Variants in APEX1 observed in about 807,000 individuals in gnomAD.
APEX1 encodes the protein apurinic/apyrimidinic endodeoxyribonuclease 1.
Under a neutral mutation model 33.2 loss-of-function variants are expected in APEX1, and 32 were observed. The ratio of observed to expected loss-of-function variants is 0.96; its 90% confidence interval spans 0.73 to 1.29. The LOEUF (loss-of-function observed/expected upper bound fraction) is 1.29, where lower values mean the gene tolerates loss of function less well. APEX1 is among the 50% of genes most tolerant of loss of function. APEX1 has a pLI of 0.00. For missense variants in APEX1, 442 were observed against 395.6 expected (o/e 1.12, Z -0.99); for synonymous variants, 175 against 156.6 (o/e 1.12, Z -0.88).
intron 1 of APEX1, 52 bp downstream of exon 1, chr14:20,455,446 C>G: frequency 1.2e-6 from 1 of 807,586 alleles, no homozygotes; most frequent in Non-Finnish European, 2.0e-6. Context: ...GCTGAAGGGC[C>G]TATGATGCAC....
In APEX1 at chr14:20,457,186, A is replaced by T; in HGVS notation, c.635A>T (p.Asn212Ile). ...RKPLVLCGDL[N>I]VAHEEIDLRN... Reference sequence around the variant, plus strand: ...CCCCTTGTGCTGTGTGGAGACCTCAATGTGGCACATGAAGAAATTGACCTT... The same window carrying T: ...CCCCTTGTGCTGTGTGGAGACCTCATTGTGGCACATGAAGAAATTGACCTT... The change falls in exon 5 of 5, where the codon AAT (asparagine) becomes ATT (isoleucine). Residue 212 changes from asparagine (N) to isoleucine (I), a missense_variant. Coordinates refer to ENST00000216714, the MANE Select transcript of APEX1 (RefSeq NM_001641.4). 6.2e-7 allele frequency: 1 copy of T among 1,614,210 alleles called. No homozygotes were observed. The highest frequency in any genetic ancestry group is 8.5e-7 in the Non-Finnish European group (1 of 1,180,036).
At position 20,455,227 on chromosome 14, in the gene APEX1, T is replaced by A. The variant is rs953705141; in HGVS notation, c.-236T>A. 2.8e-6 allele frequency: 1 copy of A among 357,038 alleles called. No homozygotes were observed. Among genetic ancestry groups the A allele is most frequent in the Non-Finnish European group, 5.3e-6 (1 of 190,236 alleles). The allele number at this position is 357,038 out of a possible 1,614,324, so 22.1% of individuals were successfully genotyped here. A position where few individuals can be genotyped will look rare whatever the true frequency, so the allele number is the denominator to read the frequency against. On this transcript the variant is annotated 5_prime_UTR_variant, in exon 1 of 5. Coordinates refer to ENST00000216714, the MANE Select transcript of APEX1 (RefSeq NM_001641.4). ...CCACGTGGGGGCTCAGCGTGCACCC[T>A]TCTTTGTGCTCGGGTTAGGAGGAGC...
intron 3 of APEX1, 107 bp downstream of exon 3, chr14:20,456,208 C>T (rs1314543470): frequency 3.8e-6 from 5 of 1,321,696 alleles, no homozygotes; most frequent in African/African-American, 2.9e-5. Flanking sequence ...TTTTCTCCTG[C>T]CCGTAGTTTT....
rs1881475937 is a variant in APEX1 at position 20,457,663 on chromosome 14, A to G, written c.*155A>G. The G allele has an allele frequency of 2.8e-6, 3 of 1,075,430 alleles. No individual in the cohort carries two copies. Among genetic ancestry groups the G allele is most frequent in the South Asian group, 1.4e-5 (1 of 71,194 alleles). The allele number at this position is 1,075,430 out of a possible 1,614,324, so 66.6% of individuals were successfully genotyped here. A position where few individuals can be genotyped will look rare whatever the true frequency, so the allele number is the denominator to read the frequency against. On this transcript the variant is annotated 3_prime_UTR_variant, in exon 5 of 5. Transcript: ENST00000216714. ...CTGTGATAGAGTTCTTTTAAGCCCA[A>G]GATTTTTTATTTGAGGGTTTTTTGT...
chr14:20,456,823 T>C lies in APEX1; in HGVS notation c.402T>C (p.Leu134=), dbSNP rs917196169. Residue 134 remains leucine, a synonymous_variant, in exon 4 of 5, where the codon CTT becomes CTC. Coordinates refer to ENST00000216714, the MANE Select transcript of APEX1 (RefSeq NM_001641.4). ...AAGGGTACAGTGGCGTGGGCCTGCT[T>C]TCCCGCCAGTGCCCACTCAAAGTTT... ...DKEGYSGVGL[L]SRQCPLKVSY... The C allele has an allele frequency of 1.2e-6, 2 of 1,614,148 alleles. No individual in the cohort carries two copies. Among genetic ancestry groups the C allele is most frequent in the Non-Finnish European group, 1.7e-6 (2 of 1,179,988 alleles).
At chr14:20,456,234 A>T (rs958247419) in intron 3 of APEX1, 133 bp downstream of exon 3, 7 of 1,000,188 alleles carry the variant, frequency 7.0e-6, no homozygotes, top group Admixed American at 2.1e-5. Flanking sequence ...GGGCTTCCCC[A>T]GTCTTGCCAG....
intron 3 of APEX1, 32 bp from the exon 4 acceptor site, chr14:20,456,636 A>G: frequency 1.3e-6 from 2 of 1,587,578 alleles, no homozygotes; most frequent in Non-Finnish European, 1.7e-6. Flanking sequence ...CTGAATTGAT[A>G]ATACGTTTTC....
chr14:20,457,249 C>T lies in APEX1; in HGVS notation c.698C>T (p.Thr233Met). The T allele has an allele frequency of 2.5e-6, 4 of 1,614,244 alleles. No individual in the cohort carries two copies. Among genetic ancestry groups the T allele is most frequent in the Non-Finnish European group, 3.4e-6 (4 of 1,180,056 alleles). The change falls in exon 5 of 5, where the codon ACG becomes ATG. Residue 233 changes from threonine (T) to methionine (M), a missense_variant. By Grantham distance (81) the Thr-to-Met change is moderately conservative. Transcript: ENST00000216714. The part of the protein sequence containing the change: ...PKGNKKNAGF[T>M]PQERQGFGEL... ...GGGAACAAAAAGAATGCTGGCTTCA[C>T]GCCACAAGAGCGCCAAGGCTTCGGG...
chr14:20,455,536 T>TC, intron 1 of APEX1, 42 bp from the exon 2 acceptor site: 5 of 1,578,454 alleles, frequency 3.2e-6, no homozygotes, highest in Non-Finnish European at 4.3e-6. Flanking sequence ...AGGAGTCTTC[T>TC]CCCCAGCCTT....
At position 20,455,373 on chromosome 14, in the gene APEX1, G is replaced by A. The variant is rs1190252232; in HGVS notation, c.-90G>A. 5.4e-6 allele frequency: 3 copies of A among 558,184 alleles called. No individual in the cohort carries two copies. The highest frequency in any genetic ancestry group is 9.6e-6 in the Non-Finnish European group (3 of 312,294). The allele number at this position is 558,184 out of a possible 1,614,324, so 34.6% of individuals were successfully genotyped here. On this transcript the variant is annotated 5_prime_UTR_variant, in exon 1 of 5. Coordinates refer to ENST00000216714, the MANE Select transcript of APEX1 (RefSeq NM_001641.4). ...CTTAATTAAGATCCTCAATTGGCTG[G>A]AGGGCAGATCTCGCGAGTAGGGTAC...
Position 20,457,562 on chromosome 14 carries a change from C to A in APEX1, c.*54C>A. On this transcript the variant is annotated 3_prime_UTR_variant, in exon 5 of 5. Transcript: ENST00000216714. ...GAAATAAGCCCCCTCAACTACCATT[C>A]CTTCTTTAAACACTCTTCAGAGAAA... 4.4e-6 allele frequency: 7 copies of A among 1,584,716 alleles called. No homozygotes were observed. The highest frequency in any genetic ancestry group is 6.0e-6 in the Non-Finnish European group (7 of 1,159,072).
In APEX1 at chr14:20,455,944, C is replaced by T. The variant is rs757544475; in HGVS notation, c.89C>T (p.Ala30Val). 2.5e-6 allele frequency: 4 copies of T among 1,613,834 alleles called. No individual in the cohort carries two copies. In the East Asian group the frequency reaches 8.9e-5, roughly 36 times the overall value. Reference protein sequence around the residue: ...EPEAKKSKTAAKKNDKEAAGE... With the variant: ...EPEAKKSKTAVKKNDKEAAGE... The stretch of plus-strand genomic sequence containing the variant: ...GAGGCCAAGAAGAGTAAGACGGCCG[C>T]AAAGAAAAATGACAAAGAGGCAGCA... Residue 30 changes from alanine to valine, a missense_variant, in exon 3 of 5, where the codon GCA becomes GTA. Physicochemically the swap from Ala to Val is moderately conservative, Grantham distance 64. Coordinates refer to ENST00000216714, the MANE Select transcript of APEX1 (RefSeq NM_001641.4).
At position 20,455,369 on chromosome 14, in the gene APEX1, G is replaced by T. The variant is rs953781200; in HGVS notation, c.-94G>T. The T allele has an allele frequency of 3.6e-6, 2 of 550,376 alleles. No homozygotes were observed. Among genetic ancestry groups the T allele is most frequent in the South Asian group, 4.1e-5 (2 of 49,316 alleles). The allele number at this position is 550,376 out of a possible 1,614,324, so 34.1% of individuals were successfully genotyped here. ...GACCCTTAATTAAGATCCTCAATTG[G>T]CTGGAGGGCAGATCTCGCGAGTAGG... On this transcript the variant is annotated 5_prime_UTR_variant, in exon 1 of 5. Coordinates refer to ENST00000216714, the MANE Select transcript of APEX1 (RefSeq NM_001641.4).
rs1881427922 is a variant in APEX1 at position 20,457,084 on chromosome 14, G to C, written c.533G>C (p.Gly178Ala). The change falls in exon 5 of 5, where the codon GGT (glycine) becomes GCT (alanine). Residue 178 changes from glycine (G) to alanine (A), a missense_variant. Physicochemically the swap from Gly to Ala is moderately conservative, Grantham distance 60 (BLOSUM62 0). Transcript: ENST00000216714. ...GCATATGTACCTAATGCAGGCCGAG[G>C]TCTGGTACGACTGGAGTACCGGCAG... is the stretch of plus-strand genomic sequence containing the variant. ...VTAYVPNAGR[G>A]LVRLEYRQRW... 6.2e-7 allele frequency: 1 copy of C among 1,614,102 alleles called. No individual in the cohort carries two copies. The highest frequency in any genetic ancestry group is 8.5e-7 in the Non-Finnish European group (1 of 1,180,038).
In APEX1 at chr14:20,457,669, T is replaced by A; in HGVS notation, c.*161T>A. 1 of 1,011,082 alleles carries A rather than the reference T, an allele frequency of 9.9e-7. No individual in the cohort carries two copies. Among genetic ancestry groups the A allele is most frequent in the Middle Eastern group, 2.3e-4 (1 of 4,404 alleles). The allele number at this position is 1,011,082 out of a possible 1,614,324, so 62.6% of individuals were successfully genotyped here. On this transcript the variant is annotated 3_prime_UTR_variant, in exon 5 of 5. Transcript: ENST00000216714. ...TAGAGTTCTTTTAAGCCCAAGATTT[T>A]TTATTTGAGGGTTTTTTGTTTTTTA...
chr14:20,457,272 G>C lies in APEX1; in HGVS notation c.721G>C (p.Gly241Arg). Residue 241 changes from glycine to arginine, a missense_variant, in exon 5 of 5, where the codon GGG (glycine) becomes CGG (arginine). By Grantham distance (125) the Gly-to-Arg change is moderately radical (BLOSUM62 -2). Coordinates refer to ENST00000216714, the MANE Select transcript of APEX1 (RefSeq NM_001641.4). ...GFTPQERQGF[G>R]ELLQAVPLAD... The stretch of plus-strand genomic sequence containing the variant: ...CACGCCACAAGAGCGCCAAGGCTTC[G>C]GGGAATTACTGCAGGCTGTGCCACT... 1 of 1,614,210 alleles carries C rather than the reference G, an allele frequency of 6.2e-7. No homozygotes were observed. Among genetic ancestry groups the C allele is most frequent in the Non-Finnish European group, 8.5e-7 (1 of 1,180,028 alleles).
rs568572047 is a variant in APEX1, at chr14:20,457,267, G to A, written c.716G>A (p.Gly239Asp). 1.2e-6 allele frequency: 2 copies of A among 1,614,222 alleles called. No homozygotes were observed. The highest frequency in any genetic ancestry group is 2.2e-5 in the South Asian group (2 of 91,084). The part of the protein sequence containing the change: ...NAGFTPQERQ[G>D]FGELLQAVPL... Reference sequence around the variant, plus strand: ...GGCTTCACGCCACAAGAGCGCCAAGGCTTCGGGGAATTACTGCAGGCTGTG... The same window carrying A: ...GGCTTCACGCCACAAGAGCGCCAAGACTTCGGGGAATTACTGCAGGCTGTG... The change falls in exon 5 of 5, where the codon GGC (glycine) becomes GAC (aspartate). Residue 239 changes from glycine to aspartate, a missense_variant. By Grantham distance (94) the Gly-to-Asp change is moderately conservative. Transcript: ENST00000216714.
In APEX1 at chr14:20,457,021, T is replaced by G. The variant is rs1388774287; in HGVS notation, c.470T>G (p.Val157Gly). The change falls in exon 5 of 5, where the codon GTG (valine) becomes GGG (glycine). Residue 157 changes from valine to glycine, a missense_variant. Val to Gly is a moderately radical substitution (Grantham distance 109, BLOSUM62 -3). Transcript: ENST00000216714. ...GAGGAGCATGATCAGGAAGGCCGGGTGATTGTGGCTGAATTTGACTCGTTT... is the reference window on the plus strand; with the variant it reads ...GAGGAGCATGATCAGGAAGGCCGGGGGATTGTGGCTGAATTTGACTCGTTT... ...GDEEHDQEGR[V>G]IVAEFDSFVL... 1.2e-6 allele frequency: 2 copies of G among 1,614,082 alleles called. No homozygotes were observed. Among genetic ancestry groups the G allele is most frequent in the South Asian group, 2.2e-5 (2 of 91,074 alleles).
Position 20,457,007 on chromosome 14 carries a change from T to G in APEX1, c.456T>G (p.Asp152Glu). The change falls in exon 5 of 5, where the codon GAT (aspartate) becomes GAG (glutamate). Residue 152 changes from aspartate to glutamate, a missense_variant. Physicochemically the swap from Asp to Glu is conservative, Grantham distance 45 (BLOSUM62 2). Transcript: ENST00000216714. ...TTTCTATAGGCGATGAGGAGCATGA[T>G]CAGGAAGGCCGGGTGATTGTGGCTG... ...VSYGIGDEEH[D>E]QEGRVIVAEF... 5.0e-6 allele frequency: 8 copies of G among 1,614,092 alleles called. No individual in the cohort carries two copies. The highest frequency in any genetic ancestry group is 6.8e-6 in the Non-Finnish European group (8 of 1,179,978).
Sources: gnomAD v4.1 joint callset for allele counts on GRCh38, gnomAD v4.1.1 for gene constraint, MANE v1.5 for transcripts, NCBI Gene and HGNC (gene_info 2026-07-23, HGNC 2026-07-21) for gene names.